EBI3: variants seen among roughly 807,000 people sequenced by gnomAD.
EBI3 encodes the protein Epstein-Barr virus induced 3.
A neutral mutation model predicts 21.3 loss-of-function variants in EBI3; 19 were observed. The ratio of observed to expected loss-of-function variants is 0.89; its 90% CI spans 0.62 to 1.31. EBI3 has a LOEUF of 1.31. Among genes scored for constraint, EBI3 ranks in the 50% most tolerant of loss-of-function variants. EBI3 has a pLI of 0.00. For missense variants in EBI3, 331 were observed against 314.0 expected, an observed-to-expected ratio of 1.05 and a Z score of -0.41; for synonymous variants, 154 against 131.2, an observed-to-expected ratio of 1.17 and a Z score of -1.19.
intron 4 of EBI3, among the ~76,000 whole-genome samples, chr19:4,236,549 G>A (rs913704553): frequency 9.7e-6 from 1 of 103,366 alleles, no homozygotes; most frequent in African/African-American, 4.1e-5. Context: ...AAAAAGCATG[G>A]TTAATATAGT....
chr19:4,235,319 C>CTTTATTGATTGATTGAAACAAGG (rs1555723832), intron 4 of EBI3, among the ~76,000 whole-genome samples: 1 of 150,262 alleles, frequency 6.7e-6, no homozygotes, highest in Admixed American at 6.7e-5. Context: ...GAATTGTTCA[C>CTTTATTGATTGATTGAAACAAGG]TTTATTGATT....
intron 2 of EBI3, among the ~76,000 whole-genome samples, chr19:4,232,720 T>A (rs1025519217): frequency 2.0e-5 from 3 of 151,814 alleles, no homozygotes; most frequent in Non-Finnish European, 4.4e-5. Flanking sequence ...GGAGACCCTG[T>A]CATGAATGAA....
chr19:4,231,770 CAAA>C (rs776262776), intron 2 of EBI3, among the ~76,000 whole-genome samples: 7 of 102,878 alleles, frequency 6.8e-5, no homozygotes, highest in Admixed American at 1.1e-4. Context: ...GACTCCATCT[CAAA>C]AAAAAAAAAA....
intron 3 of EBI3, among the ~76,000 whole-genome samples, chr19:4,233,810 C>A (rs74865814): frequency 1.3e-5 from 2 of 152,132 alleles, no homozygotes; most frequent in Non-Finnish European, 2.9e-5. Flanking sequence ...ACCTGGAACA[C>A]CTTCCCCCAA....
At chr19:4,232,663 A>G (rs925957657) in intron 2 of EBI3, among the ~76,000 whole-genome samples, 2 of 152,054 alleles carry the variant, frequency 1.3e-5, no homozygotes, top group African/African-American at 4.8e-5. Flanking sequence ...GTTCAAGGCT[A>G]TAATGAGCTA....
rs763628078 is a variant in EBI3 at position 4,229,613 on chromosome 19, G to A, written c.63G>A (p.Arg21=). 1.2e-6 allele frequency: 2 copies of A among 1,607,774 alleles called. No homozygotes were observed. The highest frequency in any genetic ancestry group is 1.7e-6 in the Non-Finnish European group (2 of 1,177,564). ...CCAGCTGCCCGCCCTGCAGTGGAAG[G>A]AAAGGTATGTGGGGCCCCTGGGGGA... ...LWASCPPCSG[R]KGPPAALTLP... The change falls in exon 1 of 5, where the codon AGG becomes AGA. Residue 21 remains arginine (R), a synonymous_variant. Transcript: ENST00000221847.
At chr19:4,234,259 C>T (rs1411716840) in intron 3 of EBI3, among the ~76,000 whole-genome samples, 1 of 152,074 alleles carries the variant, frequency 6.6e-6, no homozygotes, top group Non-Finnish European at 1.5e-5. Flanking sequence ...TCCTGCACTC[C>T]CCAGCTTTCT....
At position 4,233,223 on chromosome 19, in the gene EBI3, A is replaced by G. The variant is rs1413557179; in HGVS notation, c.295A>G (p.Met99Val). The G allele has an allele frequency of 6.2e-7, 1 of 1,611,590 alleles. No homozygotes were observed. The highest frequency in any genetic ancestry group is 8.5e-7 in the Non-Finnish European group (1 of 1,179,086). Residue 99 changes from methionine (M) to valine (V), a missense_variant, in exon 3 of 5, where the codon ATG becomes GTG. Met to Val is a conservative substitution (Grantham distance 21). Transcript: ENST00000221847. Reference sequence around the variant, plus strand: ...CATCACGGATGTCCAGCTGTTCTCCATGGCTCCCTACGTGCTCAATGTCAC... The same window carrying G: ...CATCACGGATGTCCAGCTGTTCTCCGTGGCTCCCTACGTGCTCAATGTCAC... ...CTITDVQLFSMAPYVLNVTAV... is the reference protein window; with the variant it reads ...CTITDVQLFSVAPYVLNVTAV...
intron 4 of EBI3, among the ~76,000 whole-genome samples, chr19:4,235,298 C>T (rs892657980): frequency 8.6e-5 from 12 of 139,926 alleles, no homozygotes; most frequent in Non-Finnish European, 1.5e-4. Context: ...GGATTACAGG[C>T]GTGAGCCACC....
At chr19:4,233,077 G>T in intron 2 of EBI3, 52 bp from the exon 3 acceptor site, 3 of 1,459,454 alleles carry the variant, frequency 2.1e-6, no homozygotes, top group Non-Finnish European at 2.7e-6. Flanking sequence ...AGTAGGAGGT[G>T]CTGAGGCCAC....
intron 1 of EBI3, among the ~76,000 whole-genome samples, chr19:4,230,792 G>T (rs1195622516): frequency 6.6e-6 from 1 of 151,716 alleles, no homozygotes; most frequent in Non-Finnish European, 1.5e-5. Context: ...GCTAAGAATC[G>T]CTTGAACCCG....
At chr19:4,231,664 C>T (rs187241678) in intron 2 of EBI3, among the ~76,000 whole-genome samples, 18 of 147,492 alleles carry the variant, frequency 1.2e-4, no homozygotes, top group Admixed American at 8.8e-4. Context: ...CCAGCTACTC[C>T]GGAGGCTGAG....
intron 4 of EBI3, among the ~76,000 whole-genome samples, chr19:4,236,100 A>T (rs1174181599): frequency 6.6e-6 from 1 of 152,184 alleles, no homozygotes; most frequent in Non-Finnish European, 1.5e-5. Flanking sequence ...TCATGCCTGT[A>T]ATCCCAGCAC....
chr19:4,235,464 C>T (rs1188775369), intron 4 of EBI3, among the ~76,000 whole-genome samples: 3 of 151,204 alleles, frequency 2.0e-5, no homozygotes, highest in Non-Finnish European at 2.9e-5. Context: ...GGACTACAGG[C>T]GCCCACCACG....
At chr19:4,232,833 AATGGATGG>A (rs1158550781) in intron 2 of EBI3, among the ~76,000 whole-genome samples, 2 of 143,052 alleles carry the variant, frequency 1.4e-5, no homozygotes, top group African/African-American at 5.8e-5. Flanking sequence ...TGAATGAATG[AATGGATGG>A]ATGAATGAAT....
rs771281542 is a variant in EBI3, at chr19:4,237,038, C to G, written c.640C>G (p.Leu214Val). 3.8e-6 allele frequency: 6 copies of G among 1,572,264 alleles called. No homozygotes were observed. Among genetic ancestry groups the G allele is most frequent in the Non-Finnish European group, 4.3e-6 (5 of 1,156,406 alleles). Residue 214 changes from leucine to valine, a missense_variant, in exon 5 of 5, where the codon CTG (leucine) becomes GTG (valine). Leu to Val is a conservative substitution (Grantham distance 32, BLOSUM62 1). Coordinates refer to ENST00000221847, the MANE Select transcript of EBI3 (RefSeq NM_005755.3). ...TCAGGACCTCACAGACTACGGGGAA[C>G]TGAGTGACTGGAGTCTCCCCGCCAC... ...AAQDLTDYGE[L>V]SDWSLPATAT...
intron 2 of EBI3, among the ~76,000 whole-genome samples, chr19:4,232,542 A>AC (rs60957392): frequency 0.16 from 24,076 of 146,904 alleles, 2,096 homozygotes; most frequent in East Asian, 0.2. Flanking sequence ...ACATACTGAG[A>AC]CCCCCCCCCA....
intron 4 of EBI3, among the ~76,000 whole-genome samples, chr19:4,236,138 G>A (rs374769567): frequency 6.6e-6 from 1 of 151,922 alleles, no homozygotes; most frequent in Non-Finnish European, 1.5e-5. Context: ...GGCAGATCAC[G>A]AGGTCAGGAA....
At chr19:4,233,362 C>A (rs866907520) in intron 3 of EBI3, 55 bp downstream of exon 3, 2 of 1,513,480 alleles carry the variant, frequency 1.3e-6, no homozygotes, top group African/African-American at 1.4e-5. Context: ...CTTCCAGCTC[C>A]CCCCACCCCA....
Sources: allele counts gnomAD v4.1 joint callset (sites outside exome capture counted in the v4.1 genomes callset), GRCh38; gene constraint gnomAD v4.1.1; transcripts MANE v1.5; gene names NCBI Gene and HGNC (gene_info 2026-07-23, HGNC 2026-07-21).